The following KBTBD7 variants were observed in gnomAD, a reference collection of about 807,000 sequenced individuals.
KBTBD7 encodes the protein kelch repeat and BTB domain containing 7.
KBTBD7 carries 25 observed loss-of-function variants against 50.3 expected under a neutral mutation model. The ratio of observed to expected loss-of-function variants is 0.50; its 90% CI spans 0.36 to 0.69. The LOEUF is 0.69. KBTBD7 is among the 30% of genes least tolerant of loss of function. The pLI is 0.00. For synonymous variants in KBTBD7, 305 were observed against 325.3 expected, an observed-to-expected ratio of 0.94 and a Z score of 0.67; for missense variants, 653 against 869.5, an observed-to-expected ratio of 0.75 and a Z score of 3.13.
At position 41,194,248 on chromosome 13, in the gene KBTBD7, G is replaced by A. The variant is rs747096243; in HGVS notation, c.10C>T (p.Arg4Trp). The change falls in exon 1 of 1, where the codon CGG (arginine) becomes TGG (tryptophan). Residue 4 changes from arginine (R) to tryptophan (W), a missense_variant. By Grantham distance (101) the Arg-to-Trp change is moderately radical. Coordinates refer to ENST00000379483, the MANE Select transcript of KBTBD7 (RefSeq NM_032138.7). ...CGGCGAGAGCGCGGGACGTCTTCCCGGGACTGCATGGTGGAGATGGCGACG... is the reference window on the plus strand; with the variant it reads ...CGGCGAGAGCGCGGGACGTCTTCCCAGGACTGCATGGTGGAGATGGCGACG... MQS[R>W]EDVPRSRRLA... 6.2e-7 allele frequency: 1 copy of A among 1,613,520 alleles called. No homozygotes were observed. Among genetic ancestry groups the A allele is most frequent in the Non-Finnish European group, 8.5e-7 (1 of 1,179,664 alleles).
rs199587576 is a variant in KBTBD7 at position 41,193,036 on chromosome 13, A to T, written c.1222T>A (p.Tyr408Asn). Residue 408 changes from tyrosine (Y) to asparagine (N), a missense_variant, in exon 1 of 1, where the codon TAT (tyrosine) becomes AAT (asparagine). By Grantham distance (143) the Tyr-to-Asn change is moderately radical. Transcript: ENST00000379483. The surrounding 1 kb of genome is among the most constrained non-coding windows in gnomAD (Gnocchi z 5.7). ...AAQPRKDLWVYKPAQNSWQQL... is the reference protein window; with the variant it reads ...AAQPRKDLWVNKPAQNSWQQL... ...TGCCAACTATTCTGAGCTGGTTTATACACCCAGAGGTCTTTCCTGGGCTGA... is the reference window on the plus strand; with the variant it reads ...TGCCAACTATTCTGAGCTGGTTTATTCACCCAGAGGTCTTTCCTGGGCTGA... 6.2e-7 allele frequency: 1 copy of T among 1,614,204 alleles called. No homozygotes were observed. The highest frequency in any genetic ancestry group is 2.2e-5 in the East Asian group (1 of 44,890).
In KBTBD7 at chr13:41,190,116, G is replaced by C. The variant is rs993249186; in HGVS notation, c.*2087C>G. The C allele has an allele frequency of 3.3e-5, 5 of 152,136 alleles. No homozygotes were observed. The highest frequency in any genetic ancestry group is 7.4e-5 in the Non-Finnish European group (5 of 68,008). 9.4% of individuals were successfully genotyped at this position (152,136 alleles called of 1,614,324 possible). On this transcript the variant is annotated 3_prime_UTR_variant, in exon 1 of 1. Transcript: ENST00000379483. ...GGATAATCTGGTTGAGATAAGCATTGCCATCTCTCAATTTTTACAAAACAA... is the reference window on the plus strand; with the variant it reads ...GGATAATCTGGTTGAGATAAGCATTCCCATCTCTCAATTTTTACAAAACAA...
rs1324689551 is a variant in KBTBD7, at chr13:41,192,992, C to T, written c.1266G>A (p.Leu422=). ...QNSWQQLADR[L]LCREGMDVAY... ...CCACATCCATGCCCTCACGACACAGCAAGCGATCTGCAAGTTGCTGCCAAC... is the reference window on the plus strand; with the variant it reads ...CCACATCCATGCCCTCACGACACAGTAAGCGATCTGCAAGTTGCTGCCAAC... The change falls in exon 1 of 1, where the codon TTG becomes TTA. Residue 422 remains leucine (L), a synonymous_variant. Transcript: ENST00000379483. The T allele has an allele frequency of 2.5e-6, 4 of 1,614,196 alleles. No homozygotes were observed. Among genetic ancestry groups the T allele is most frequent in the Non-Finnish European group, 3.4e-6 (4 of 1,180,026 alleles).
In KBTBD7 at chr13:41,192,356, A is replaced by G. The variant is rs757396615; in HGVS notation, c.1902T>C (p.Asp634=). ...CAGTACTAGACTCACTCCGTGCATC[A>G]TCTTCCTCAGTAATAAAACTCTGAC... ...EPGQSFITEE[D]DARSESSTEW... The change falls in exon 1 of 1, where the codon GAT becomes GAC. Residue 634 remains aspartate, a synonymous_variant. Coordinates refer to ENST00000379483, the MANE Select transcript of KBTBD7 (RefSeq NM_032138.7). 4.3e-6 allele frequency: 7 copies of G among 1,614,100 alleles called. No individual in the cohort carries two copies. Among genetic ancestry groups the G allele is most frequent in the Admixed American group, 3.3e-5 (2 of 60,006 alleles).
In KBTBD7 at chr13:41,193,858, C is replaced by A. The variant is rs750850997; in HGVS notation, c.400G>T (p.Val134Leu). ...TGCACATTGGCCTCACTGAGAGACA[C>A]ACGACCCGTGTAGCAGTAGTCGACC... ...VLVDYCYTGRVSLSEANVQRL... is the reference protein window; with the variant it reads ...VLVDYCYTGRLSLSEANVQRL... Residue 134 changes from valine to leucine, a missense_variant, in exon 1 of 1, where the codon GTG (valine) becomes TTG (leucine). Transcript: ENST00000379483. This position sits in a 1 kb window ranked among gnomAD's most constrained non-coding sequence, Gnocchi z 5.7. 6.2e-7 allele frequency: 1 copy of A among 1,614,182 alleles called. No homozygotes were observed. Among genetic ancestry groups the A allele is most frequent in the Non-Finnish European group, 8.5e-7 (1 of 1,180,046 alleles).
At position 41,192,644 on chromosome 13, in the gene KBTBD7, G is replaced by A. The variant is rs2031421323; in HGVS notation, c.1614C>T (p.Asn538=). The A allele has an allele frequency of 6.2e-7, 1 of 1,614,136 alleles. No homozygotes were observed. Among genetic ancestry groups the A allele is most frequent in the Non-Finnish European group, 8.5e-7 (1 of 1,180,034 alleles). ...ICDIPVMKVY[N]PARGEWRRIS... ...TCCGCCTCCATTCTCCCCTAGCTGG[G>A]TTGTAGACCTTCATGACTGGGATGT... The change falls in exon 1 of 1, where the codon AAC becomes AAT. Residue 538 remains asparagine (N), a synonymous_variant. Coordinates refer to ENST00000379483, the MANE Select transcript of KBTBD7 (RefSeq NM_032138.7).
At position 41,192,436 on chromosome 13, in the gene KBTBD7, C is replaced by A; in HGVS notation, c.1822G>T (p.Asp608Tyr). The A allele has an allele frequency of 6.2e-7, 1 of 1,614,198 alleles. No homozygotes were observed. The highest frequency in any genetic ancestry group is 1.1e-5 in the South Asian group (1 of 91,068). Reference protein sequence around the residue: ...IGTMLGLLQFDSGFICLCARV... With the variant: ...IGTMLGLLQFYSGFICLCARV... ...GCACAAAGGCAAATAAAGCCAGAGT[C>A]AAACTGCAAAAGGCCTAACATGGTA... The change falls in exon 1 of 1, where the codon GAC becomes TAC. Residue 608 changes from aspartate (D) to tyrosine (Y), a missense_variant. Physicochemically the swap from Asp to Tyr is radical, Grantham distance 160. Around this residue, in one of 3 missense-constraint regions of KBTBD7, gnomAD observed 526 missense variants for 717.1 expected, o/e 0.73. Coordinates refer to ENST00000379483, the MANE Select transcript of KBTBD7 (RefSeq NM_032138.7).
chr13:41,194,372 G>C lies in KBTBD7; in HGVS notation c.-115C>G. 1 of 1,359,292 alleles carries C rather than the reference G, an allele frequency of 7.4e-7. No individual in the cohort carries two copies. The highest frequency in any genetic ancestry group is 9.9e-7 in the Non-Finnish European group (1 of 1,005,050). The allele number at this position is 1,359,292 out of a possible 1,614,324, so 84.2% of individuals were successfully genotyped here. A position where few individuals can be genotyped will look rare whatever the true frequency, so the allele number is the denominator to read the frequency against. On this transcript the variant is annotated 5_prime_UTR_variant, in exon 1 of 1. Coordinates refer to ENST00000379483, the MANE Select transcript of KBTBD7 (RefSeq NM_032138.7). The stretch of plus-strand genomic sequence containing the variant: ...AAGCCGCGTCCTGGAACAGACTGCG[G>C]CACGGGCCGCACTTCTGAATTCAGC...
Position 41,192,397 on chromosome 13 carries a change from A to G in KBTBD7, c.1861T>C (p.Ser621Pro). 1 of 1,614,218 alleles carries G rather than the reference A, an allele frequency of 6.2e-7. No homozygotes were observed. The highest frequency in any genetic ancestry group is 8.5e-7 in the Non-Finnish European group (1 of 1,180,032). Reference protein sequence around the residue: ...FICLCARVYPSCLEPGQSFIT... With the variant: ...FICLCARVYPPCLEPGQSFIT... ...AAACTCTGACCAGGTTCAAGGCAGG[A>G]AGGATAAACACGAGCACAAAGGCAA... Residue 621 changes from serine (S) to proline (P), a missense_variant, in exon 1 of 1, where the codon TCC becomes CCC. This residue lies in a region of KBTBD7 where 526 missense variants were observed against 717.1 expected (regional missense o/e 0.73). Transcript: ENST00000379483.
Position 41,193,461 on chromosome 13 carries a change from C to T in KBTBD7, c.797G>A (p.Arg266His), listed in dbSNP as rs759045724. The change falls in exon 1 of 1, where the codon CGC (arginine) becomes CAC (histidine). Residue 266 changes from arginine to histidine, a missense_variant. Physicochemically the swap from Arg to His is conservative, Grantham distance 29. Transcript: ENST00000379483. This position sits in a 1 kb window ranked among gnomAD's most constrained non-coding sequence, Gnocchi z 5.7. ...ATCTTCTTCAGTGAAGTGCATCCAG[C>T]GCACGCACTTGAAGACTTCTGCAGC... ...PSAAEVFKCVRWMHFTEEDQD... is the reference protein window; with the variant it reads ...PSAAEVFKCVHWMHFTEEDQD... 19 of 1,613,990 alleles carry T rather than the reference C, an allele frequency of 1.2e-5. No individual in the cohort carries two copies. Among genetic ancestry groups the T allele is most frequent in the East Asian group, 6.7e-5 (3 of 44,892 alleles).
Position 41,192,518 on chromosome 13 carries a change from C to T in KBTBD7, c.1740G>A (p.Lys580=). 1 of 1,614,210 alleles carries T rather than the reference C, an allele frequency of 6.2e-7. No homozygotes were observed. The highest frequency in any genetic ancestry group is 8.5e-7 in the Non-Finnish European group (1 of 1,180,024). Residue 580 remains lysine (K), a synonymous_variant, in exon 1 of 1, where the codon AAG becomes AAA. Transcript: ENST00000379483. The stretch of plus-strand genomic sequence containing the variant: ...CATACTCATACACTGTCACTCGGTT[C>T]TTTTTCCATTGTGGGGTTGTAGAAG... ...LITSTTPQWK[K]NRVTVYEYDT...
chr13:41,190,915 C>T lies in KBTBD7; in HGVS notation c.*1288G>A, dbSNP rs552949877. 2 of 152,278 alleles carry T rather than the reference C, an allele frequency of 1.3e-5. No individual in the cohort carries two copies. The highest frequency in any genetic ancestry group is 3.9e-4 in the East Asian group (2 of 5,186). The allele number at this position is 152,278 out of a possible 1,614,324, so 9.4% of individuals were successfully genotyped here. On this transcript the variant is annotated 3_prime_UTR_variant, in exon 1 of 1. Transcript: ENST00000379483. ...TACTGGCCCCAAATCCCATCATCCA[C>T]TTAGGTTCTTCAATGTCAACTTTTA...
chr13:41,194,135 C>T lies in KBTBD7; in HGVS notation c.123G>A (p.Lys41=). Residue 41 remains lysine (K), a synonymous_variant, in exon 1 of 1, where the codon AAG becomes AAA. Transcript: ENST00000379483. The part of the protein sequence containing the change: ...SAFFTGPEEL[K]DTAHSAALLA... Reference sequence around the variant, plus strand: ...GCAGGGCTGCAGAATGGGCCGTGTCCTTTAACTCCTCTGGACCCGTGAAAA... The same window carrying T: ...GCAGGGCTGCAGAATGGGCCGTGTCTTTTAACTCCTCTGGACCCGTGAAAA... The T allele has an allele frequency of 1.9e-6, 3 of 1,614,220 alleles. No homozygotes were observed. Among genetic ancestry groups the T allele is most frequent in the African/African-American group, 1.3e-5 (1 of 75,056 alleles).
chr13:41,193,673 G>A lies in KBTBD7; in HGVS notation c.585C>T (p.Tyr195=), dbSNP rs767331875. Residue 195 remains tyrosine (Y), a synonymous_variant, in exon 1 of 1, where the codon TAC becomes TAT. Transcript: ENST00000379483. This position sits in a 1 kb window ranked among gnomAD's most constrained non-coding sequence, Gnocchi z 5.7. ...HHKLRSQAQS[Y]IAHNFKQLSR... ...TGAGCTGCTTGAAGTTGTGAGCTAT[G>A]TAGGACTGGGCCTGAGATCGAAGCT... The A allele has an allele frequency of 1.2e-6, 2 of 1,614,092 alleles. No individual in the cohort carries two copies. The highest frequency in any genetic ancestry group is 1.7e-6 in the Non-Finnish European group (2 of 1,180,036).
At position 41,190,482 on chromosome 13, in the gene KBTBD7, C is replaced by A. The variant is rs766821713; in HGVS notation, c.*1721G>T. 1.3e-5 allele frequency: 2 copies of A among 152,130 alleles called. No homozygotes were observed. The highest frequency in any genetic ancestry group is 2.9e-5 in the Non-Finnish European group (2 of 67,998). The allele number at this position is 152,130 out of a possible 1,614,324, so 9.4% of individuals were successfully genotyped here. A position where few individuals can be genotyped will look rare whatever the true frequency, so the allele number is the denominator to read the frequency against. On this transcript the variant is annotated 3_prime_UTR_variant, in exon 1 of 1. Transcript: ENST00000379483. ...TCAGTTCCCCATCCTAGACCAGACT[C>A]CTCTGTCCTCTGCCAGGGTATAAGA...
chr13:41,193,879 C>G lies in KBTBD7; in HGVS notation c.379G>C (p.Asp127His), dbSNP rs930485184. 1 of 1,614,150 alleles carries G rather than the reference C, an allele frequency of 6.2e-7. No homozygotes were observed. Among genetic ancestry groups the G allele is most frequent in the Non-Finnish European group, 8.5e-7 (1 of 1,180,034 alleles). ...GACACACGACCCGTGTAGCAGTAGT[C>G]GACCAACACCTCGAAGGACTCGGCG... is the stretch of plus-strand genomic sequence containing the variant. ...VDAESFEVLV[D>H]YCYTGRVSLS... Residue 127 changes from aspartate to histidine, a missense_variant, in exon 1 of 1, where the codon GAC (aspartate) becomes CAC (histidine). This residue lies in a region of KBTBD7 where 526 missense variants were observed against 717.1 expected (regional missense o/e 0.73). Coordinates refer to ENST00000379483, the MANE Select transcript of KBTBD7 (RefSeq NM_032138.7). The surrounding 1 kb of genome is among the most constrained non-coding windows in gnomAD (Gnocchi z 5.7).
At position 41,192,877 on chromosome 13, in the gene KBTBD7, T is replaced by C. The variant is rs1301168968; in HGVS notation, c.1381A>G (p.Arg461Gly). 14 of 1,614,102 alleles carry C rather than the reference T, an allele frequency of 8.7e-6. No homozygotes were observed. The highest frequency in any genetic ancestry group is 1.3e-5 in the African/African-American group (1 of 74,930). ...LKEVECYSVQRNQWALVAPVP... is the reference protein window; with the variant it reads ...LKEVECYSVQGNQWALVAPVP... ...GGAGCCACCAATGCCCACTGGTTTC[T>C]CTGAACACTGTAGCATTCCACTTCC... is the stretch of plus-strand genomic sequence containing the variant. The change falls in exon 1 of 1, where the codon AGA (arginine) becomes GGA (glycine). Residue 461 changes from arginine (R) to glycine (G), a missense_variant. By Grantham distance (125) the Arg-to-Gly change is moderately radical. Around this residue, in one of 3 missense-constraint regions of KBTBD7, gnomAD observed 526 missense variants for 717.1 expected, o/e 0.73. Coordinates refer to ENST00000379483, the MANE Select transcript of KBTBD7 (RefSeq NM_032138.7).
At position 41,194,162 on chromosome 13, in the gene KBTBD7, G is replaced by A. The variant is rs749237058; in HGVS notation, c.96C>T (p.Ala32=). Reference sequence around the variant, plus strand: ...TTAACTCCTCTGGACCCGTGAAAAAGGCCGAAACCGAGGGCTTGGAAATCC... The same window carrying A: ...TTAACTCCTCTGGACCCGTGAAAAAAGCCGAAACCGAGGGCTTGGAAATCC... ...PKRISKPSVS[A]FFTGPEELKD... Residue 32 remains alanine (A), a synonymous_variant, in exon 1 of 1, where the codon GCC becomes GCT. Coordinates refer to ENST00000379483, the MANE Select transcript of KBTBD7 (RefSeq NM_032138.7). The A allele has an allele frequency of 1.9e-6, 3 of 1,614,078 alleles. No individual in the cohort carries two copies. Among genetic ancestry groups the A allele is most frequent in the Non-Finnish European group, 2.5e-6 (3 of 1,180,054 alleles).
Position 41,193,432 on chromosome 13 carries a change from C to G in KBTBD7, c.826G>C (p.Asp276His), listed in dbSNP as rs772366738. The G allele has an allele frequency of 1.9e-6, 3 of 1,613,952 alleles. No homozygotes were observed. The highest frequency in any genetic ancestry group is 2.2e-5 in the East Asian group (1 of 44,898). The change falls in exon 1 of 1, where the codon GAC becomes CAC. Residue 276 changes from aspartate to histidine, a missense_variant. Around this residue, in one of 3 missense-constraint regions of KBTBD7, gnomAD observed 526 missense variants for 717.1 expected, o/e 0.73. Transcript: ENST00000379483. This position sits in a 1 kb window ranked among gnomAD's most constrained non-coding sequence, Gnocchi z 5.7. Reference sequence around the variant, plus strand: ...TTGGTCAGCAGCCCTTCTAAGTAGTCCTGATCTTCTTCAGTGAAGTGCATC... The same window carrying G: ...TTGGTCAGCAGCCCTTCTAAGTAGTGCTGATCTTCTTCAGTGAAGTGCATC... ...RWMHFTEEDQ[D>H]YLEGLLTKPI...
Sources: allele counts gnomAD v4.1 joint callset, GRCh38; gene constraint gnomAD v4.1.1; regional missense constraint gnomAD v4.1.1; non-coding constraint Gnocchi (gnomAD v3.1); transcripts MANE v1.5; gene names NCBI Gene and HGNC (gene_info 2026-07-23, HGNC 2026-07-21).